The following VIT variants were observed in gnomAD, a reference collection of about 807,000 sequenced individuals.
VIT encodes vitrin.
VIT carries 99 observed loss-of-function variants against 78.0 expected under a neutral mutation model. That is an observed-to-expected ratio of 1.27 (90% CI 1.08 to 1.50). The LOEUF (loss-of-function observed/expected upper bound fraction) is 1.50, where lower values mean the gene tolerates loss of function less well. Among genes scored for constraint, VIT ranks in the 40% most tolerant of loss-of-function variants. VIT has a pLI of 0.00. For synonymous variants in VIT, 374 were observed against 334.3 expected, an observed-to-expected ratio of 1.12 and a Z score of -1.29; for missense variants, 1,126 against 875.3, an observed-to-expected ratio of 1.29 and a Z score of -3.61.
intron 2 of VIT, among the ~76,000 whole-genome samples, chr2:36,723,739 C>T (rs945485711): frequency 4.0e-5 from 6 of 151,874 alleles, no homozygotes; most frequent in Non-Finnish European, 7.4e-5. Flanking sequence ...TCAGGCACTA[C>T]TAAAGAAAGA....
rs764695629 is a variant in VIT, at chr2:36,743,084, C to A, written c.119-16C>A. ...ATAGCACAAGGTGTAATTTTGACCTCATTTTGTATTCCCAGCTGTGCCTCA... is the reference window on the plus strand; with the variant it reads ...ATAGCACAAGGTGTAATTTTGACCTAATTTTGTATTCCCAGCTGTGCCTCA... On this transcript the variant is annotated splice_polypyrimidine_tract_variant and intron_variant, in intron 3 of 15. Transcript: ENST00000379242. 9 of 1,613,654 alleles carry A rather than the reference C, an allele frequency of 5.6e-6. No individual in the cohort carries two copies. Among genetic ancestry groups the A allele is most frequent in the African/African-American group, 1.3e-5 (1 of 75,004 alleles).
At chr2:36,807,098 T>G (rs1191252296) in intron 14 of VIT, among the ~76,000 whole-genome samples, 1 of 152,124 alleles carries the variant, frequency 6.6e-6, no homozygotes, top group Admixed American at 6.5e-5. Context: ...TCCCTCCTCT[T>G]TCCCTCGCCT....
chr2:36,731,028 A>G (rs1392455629), intron 3 of VIT, among the ~76,000 whole-genome samples: 4 of 152,198 alleles, frequency 2.6e-5, no homozygotes, highest in African/African-American at 9.6e-5. Context: ...CGCACCAAAC[A>G]GGAAGACAGG....
At chr2:36,704,805 C>T (rs1488266403) in intron 1 of VIT, among the ~76,000 whole-genome samples, 4 of 152,152 alleles carry the variant, frequency 2.6e-5, no homozygotes, top group East Asian at 1.9e-4. Context: ...CATTCTCTAC[C>T]GAGCAGCAGA....
intron 3 of VIT, among the ~76,000 whole-genome samples, chr2:36,736,374 C>A (rs1276003376): frequency 6.6e-6 from 1 of 152,192 alleles, no homozygotes; most frequent in Non-Finnish European, 1.5e-5. Context: ...GACTTTCAGT[C>A]CATACTGTAA....
intron 3 of VIT, among the ~76,000 whole-genome samples, chr2:36,732,184 A>G (rs1217550050): frequency 1.3e-5 from 2 of 152,232 alleles, no homozygotes; most frequent in African/African-American, 2.4e-5. Flanking sequence ...CTCATATACA[A>G]AAATCACGAA....
At chr2:36,771,693 C>T (rs1159539939) in intron 7 of VIT, among the ~76,000 whole-genome samples, 2 of 152,100 alleles carry the variant, frequency 1.3e-5, no homozygotes, top group Non-Finnish European at 2.9e-5. Context: ...AGAATTCACA[C>T]TTCCAGGAAT....
chr2:36,806,000 A>T lies in VIT; in HGVS notation c.1389+336A>T, dbSNP rs111819743. 3.3e-4 allele frequency among the ~76,000 whole-genome samples: 50 copies of T among 150,820 alleles called. 1 individual carries two copies. The highest frequency in any genetic ancestry group is 8.4e-4 in the South Asian group (4 of 4,766). On this transcript the variant is annotated intron_variant, in intron 14 of 15. Coordinates refer to ENST00000379242, the MANE Select transcript of VIT (RefSeq NM_053276.4). ...CGAACATACTCTCTCTCTCTCTCTC[A>T]CACACACACACACGCACACACACAC...
At chr2:36,699,256 A>G (rs2148400384) in intron 1 of VIT, among the ~76,000 whole-genome samples, 1 of 149,816 alleles carries the variant, frequency 6.7e-6, no homozygotes, top group Admixed American at 6.8e-5. Flanking sequence ...ATACGAAATG[A>G]AGAAGTTACA....
At chr2:36,805,366 T>A (rs1572574738) in intron 13 of VIT, 72 bp from the exon 14 acceptor site, 1 of 1,478,114 alleles carries the variant, frequency 6.8e-7, no homozygotes, top group East Asian at 2.3e-5. Context: ...GACCTCTTTG[T>A]GCTGCTGTGA....
intron 4 of VIT, among the ~76,000 whole-genome samples, chr2:36,750,036 G>A (rs1668362954): frequency 6.6e-6 from 1 of 152,168 alleles, no homozygotes; most frequent in African/African-American, 2.4e-5. Flanking sequence ...GTTTTTCAAA[G>A]GGAATGGGAT....
At position 36,808,610 on chromosome 2, in the gene VIT, G is replaced by A. The variant is rs777158807; in HGVS notation, c.1528G>A (p.Asp510Asn). Reference protein sequence around the residue: ...ACSKTCLNSADIGFVIDGSSS... With the variant: ...ACSKTCLNSANIGFVIDGSSS... ...CAGCAAGACCTGCTTGAACTCGGCT[G>A]ACATTGGCTTCGTCATCGACGGCTC... is the stretch of plus-strand genomic sequence containing the variant. Residue 510 changes from aspartate (D) to asparagine (N), a missense_variant, in exon 15 of 16, where the codon GAC (aspartate) becomes AAC (asparagine). Asp to Asn is a conservative substitution (Grantham distance 23). Coordinates refer to ENST00000379242, the MANE Select transcript of VIT (RefSeq NM_053276.4). The A allele has an allele frequency of 6.8e-6, 11 of 1,614,112 alleles. No homozygotes were observed. The South Asian group carries it at 9.9e-5, about 14-fold the overall frequency.
intron 3 of VIT, among the ~76,000 whole-genome samples, chr2:36,742,353 G>A (rs1299546715): frequency 1.3e-5 from 2 of 152,104 alleles, no homozygotes; most frequent in East Asian, 1.9e-4. Flanking sequence ...ACAGAGGGAG[G>A]GAAGAATGAA....
intron 2 of VIT, among the ~76,000 whole-genome samples, chr2:36,720,112 G>A (rs1384835884): frequency 6.6e-6 from 1 of 152,038 alleles, no homozygotes; most frequent in Non-Finnish European, 1.5e-5. Context: ...AAATTCCGAT[G>A]GCATTTTTCA....
chr2:36,705,065 G>A (rs752849297), intron 1 of VIT, among the ~76,000 whole-genome samples: 2 of 152,162 alleles, frequency 1.3e-5, no homozygotes, highest in Admixed American at 1.3e-4. Context: ...CGGGGAGGAG[G>A]CAAGGCTAAT....
chr2:36,811,662 C>A (rs78541190), intron 15 of VIT, among the ~76,000 whole-genome samples: 1 of 150,548 alleles, frequency 6.6e-6, no homozygotes, highest in Non-Finnish European at 1.5e-5. Flanking sequence ...TCTTTTTTTT[C>A]TTTCTTTCTT....
chr2:36,706,877 T>C (rs760003662), intron 1 of VIT, among the ~76,000 whole-genome samples: 5 of 152,226 alleles, frequency 3.3e-5, no homozygotes, highest in Non-Finnish European at 7.3e-5. Flanking sequence ...AAACTTACAG[T>C]GACAACCATG....
At chr2:36,775,360 C>T (rs1669990295) in intron 9 of VIT, among the ~76,000 whole-genome samples, 1 of 152,306 alleles carries the variant, frequency 6.6e-6, no homozygotes, top group South Asian at 2.1e-4. Context: ...CTCTCTGCAC[C>T]TACCAGGCCC....
At position 36,705,984 on chromosome 2, in the gene VIT, A is replaced by G. The variant is rs900290713; in HGVS notation, c.-19+9011A>G. Among the ~76,000 whole-genome samples, 8 of 152,138 alleles carry G rather than the reference A, an allele frequency of 5.3e-5. No homozygotes were observed. In the South Asian group the frequency reaches 8.3e-4, roughly 16 times the overall value. On this transcript the variant is annotated intron_variant, in intron 1 of 15. Transcript: ENST00000379242. Reference sequence around the variant, plus strand: ...GTTGCGACAACCCAAAAAGTCTCCAAACACTATTATATGTCTCCTGCGGGA... The same window carrying G: ...GTTGCGACAACCCAAAAAGTCTCCAGACACTATTATATGTCTCCTGCGGGA...
Sources: gnomAD v4.1 joint callset for allele counts (sites outside exome capture counted in the v4.1 genomes callset) on GRCh38, gnomAD v4.1.1 for gene constraint, MANE v1.5 for transcripts, NCBI Gene and HGNC (gene_info 2026-07-23, HGNC 2026-07-21) for gene names.